The following SUN3 variants were observed in gnomAD, a reference collection of about 807,000 sequenced individuals.
SUN3 encodes SUN domain-containing protein 3.
SUN3 carries 36 observed loss-of-function variants against 48.2 expected under a neutral mutation model. The ratio of observed to expected loss-of-function variants is 0.75; its 90% confidence interval spans 0.57 to 0.99. The LOEUF (loss-of-function observed/expected upper bound fraction) is 0.99. Ranked by LOEUF, SUN3 falls within the 50% of genes least tolerant of loss-of-function variation. The pLI, the probability that SUN3 is intolerant of heterozygous loss-of-function variation, is 0.00. For synonymous variants in SUN3, 148 were observed against 147.9 expected (o/e 1.00, Z 0.00); for missense variants, 419 against 433.1 (o/e 0.97, Z 0.29).
intron 8 of SUN3, among the ~76,000 whole-genome samples, chr7:47,989,692 G>C (rs1788997899): frequency 6.6e-6 from 1 of 152,150 alleles, no homozygotes; most frequent in African/African-American, 2.4e-5. Flanking sequence ...GGGGAAAAGA[G>C]AGATCAGACT....
chr7:48,025,872 C>T lies in SUN3; in HGVS notation c.184+5G>A, dbSNP rs1790119774. On this transcript the variant is annotated splice_donor_5th_base_variant and intron_variant, in intron 2 of 9. Coordinates refer to ENST00000297325, the MANE Select transcript of SUN3 (RefSeq NM_001030019.2). ...TTTTAAGGATCATTACTTAGGAAGA[C>T]TTACCTACAAGAAGAAAAGTCAGTG... 6.3e-7 allele frequency: 1 copy of T among 1,588,132 alleles called. No homozygotes were observed. Among genetic ancestry groups the T allele is most frequent in the South Asian group, 1.1e-5 (1 of 89,584 alleles).
At chr7:48,004,833 G>C (rs978260772) in intron 6 of SUN3, among the ~76,000 whole-genome samples, 1 of 152,184 alleles carries the variant, frequency 6.6e-6, no homozygotes, top group Non-Finnish European at 1.5e-5. Context: ...TGCAGTTTTT[G>C]GTTCCCCTCT....
intron 2 of SUN3, among the ~76,000 whole-genome samples, chr7:48,024,781 T>C (rs987571588): frequency 1.3e-5 from 2 of 152,142 alleles, no homozygotes; most frequent in Non-Finnish European, 2.9e-5. Context: ...AGTCAGGTTC[T>C]TTTTAACAAT....
intron 2 of SUN3, among the ~76,000 whole-genome samples, chr7:48,023,065 G>A (rs1376993956): frequency 6.6e-6 from 1 of 152,106 alleles, no homozygotes; most frequent in Non-Finnish European, 1.5e-5. Flanking sequence ...GCCGCATGAA[G>A]CAATCAAAAT....
chr7:47,989,545 T>C (rs923789438), intron 8 of SUN3, among the ~76,000 whole-genome samples: 2 of 152,234 alleles, frequency 1.3e-5, no homozygotes, highest in Non-Finnish European at 2.9e-5. Flanking sequence ...GTTCCTTAAA[T>C]TGTAACACAG....
chr7:47,991,491 C>T (rs1044471606), intron 8 of SUN3, among the ~76,000 whole-genome samples: 14 of 151,864 alleles, frequency 9.2e-5, no homozygotes, highest in Non-Finnish European at 1.5e-4. Flanking sequence ...ATTTGGGTGA[C>T]ATATAAGGCA....
the SUN3 span, chr7:48,035,419 G>C: frequency 1.5e-6 from 1 of 665,488 alleles, no homozygotes; most frequent in Non-Finnish European, 2.7e-6. This position sits in a 1 kb window ranked among gnomAD's most constrained non-coding sequence, Gnocchi z 4.0. Context: ...GCCCTGATTG[G>C]CCCACCGCTC....
chr7:48,029,690 T>C (rs1174925262), upstream of SUN3, among the ~76,000 whole-genome samples: 2 of 152,198 alleles, frequency 1.3e-5, no homozygotes, highest in African/African-American at 2.4e-5. Context: ...CACGTTGTTA[T>C]ATGCACATCA....
At chr7:48,025,183 A>G (rs990980501) in intron 2 of SUN3, among the ~76,000 whole-genome samples, 5 of 152,220 alleles carry the variant, frequency 3.3e-5, no homozygotes, top group African/African-American at 7.2e-5. Context: ...AAATGGATAA[A>G]CAAAATGAGG....
chr7:48,026,829 C>T (rs1214406280), intron 1 of SUN3, among the ~76,000 whole-genome samples: 1 of 152,028 alleles, frequency 6.6e-6, no homozygotes, highest in Non-Finnish European at 1.5e-5. Flanking sequence ...GGAAGAGAGC[C>T]CTCGCTAGAG....
chr7:48,015,340 G>C (rs1431559699), intron 3 of SUN3, among the ~76,000 whole-genome samples: 2 of 152,214 alleles, frequency 1.3e-5, no homozygotes, highest in African/African-American at 4.8e-5. Context: ...GGGTCTCACA[G>C]ATTCTCAGCA....
intron 7 of SUN3, 24 bp from the exon 8 acceptor site, chr7:47,994,506 T>C: frequency 6.3e-7 from 1 of 1,580,024 alleles, no homozygotes. Context: ...ACTGAATTAA[T>C]CTCTTAACTA....
chr7:48,024,268 T>C (rs1177173435), intron 2 of SUN3, among the ~76,000 whole-genome samples: 2 of 152,122 alleles, frequency 1.3e-5, no homozygotes, highest in Non-Finnish European at 2.9e-5. Flanking sequence ...GTGATATATC[T>C]GAGAAGGATT....
At chr7:48,032,282 A>G (rs1790266188), upstream of SUN3, among the ~76,000 whole-genome samples, 2 of 152,246 alleles carry the variant, frequency 1.3e-5, no homozygotes, top group African/African-American at 4.8e-5. Flanking sequence ...CCACATACGC[A>G]TACACAAAGG....
At chr7:47,989,445 T>C (rs753854843) in intron 8 of SUN3, among the ~76,000 whole-genome samples, 7 of 152,236 alleles carry the variant, frequency 4.6e-5, no homozygotes, top group Non-Finnish European at 1.0e-4. Flanking sequence ...GTGCTTTTTG[T>C]TCTTCTCTAC....
intron 8 of SUN3, chr7:47,990,937 G>A (rs1789040480): frequency 2.5e-6 from 1 of 397,218 alleles, no homozygotes; most frequent in South Asian, 1.7e-5. Context: ...AACAGACACT[G>A]AGATCTACTT....
intron 2 of SUN3, among the ~76,000 whole-genome samples, chr7:48,018,043 C>T (rs780284393): frequency 7.2e-5 from 11 of 152,134 alleles, no homozygotes; most frequent in South Asian, 2.1e-4. Context: ...AAGCAGAGAA[C>T]GTAATGTGCA....
At chr7:48,027,493 G>A (rs1790166583) in intron 1 of SUN3, among the ~76,000 whole-genome samples, 1 of 152,206 alleles carries the variant, frequency 6.6e-6, no homozygotes, top group Non-Finnish European at 1.5e-5. Flanking sequence ...GCCCTAAAGG[G>A]TGGATGGGGA....
At chr7:48,034,649 G>T in the SUN3 span, among the ~76,000 whole-genome samples, 1 of 152,074 alleles carries the variant, frequency 6.6e-6, no homozygotes, top group Non-Finnish European at 1.5e-5. Context: ...ACTGAACTGC[G>T]CCATAGCTGT....
Sources: gnomAD v4.1 joint callset for allele counts (sites outside exome capture counted in the v4.1 genomes callset) on GRCh38, gnomAD v4.1.1 for gene constraint, Gnocchi (gnomAD v3.1) non-coding constraint, MANE v1.5 for transcripts, NCBI Gene and HGNC (gene_info 2026-07-23, HGNC 2026-07-21) for gene names.